DNM2: variants seen among roughly 807,000 people sequenced by gnomAD.
DNM2 encodes the protein dynamin-2.
A neutral mutation model predicts 99.0 loss-of-function variants in DNM2; 15 were observed. The ratio of observed to expected loss-of-function variants is 0.15; its 90% CI spans 0.10 to 0.23. DNM2 has a LOEUF of 0.23. Among genes scored for constraint, DNM2 ranks in the 10% least tolerant of loss-of-function variants. DNM2 has a pLI of 1.00. For missense variants in DNM2, 742 were observed against 1,189.4 expected (o/e 0.62, Z 5.53); for synonymous variants, 525 against 481.2 (o/e 1.09, Z -1.19).
At position 10,817,602 on chromosome 19, in the gene DNM2, C is replaced by T. The variant is rs887993178; in HGVS notation, c.1672-2378C>T. 5.9e-6 allele frequency: 2 copies of T among 338,672 alleles called. No homozygotes were observed. The highest frequency in any genetic ancestry group is 1.2e-5 in the Non-Finnish European group (2 of 166,988). The allele number at this position is 338,672 out of a possible 1,614,324, so 21.0% of individuals were successfully genotyped here. ...CAGCCAAGGAAACCACCACTCTTCC[C>T]GAGACGATCCGCTCTGTCCCTTCTG... On this transcript the variant is annotated intron_variant, in intron 15 of 20. Transcript: ENST00000389253. This position sits in a 1 kb window ranked among gnomAD's most constrained non-coding sequence, Gnocchi z 4.6.
In DNM2 at chr19:10,795,545, G is replaced by A; in HGVS notation, c.1196+106G>A. 1 of 1,328,998 alleles carries A rather than the reference G, an allele frequency of 7.5e-7. No individual in the cohort carries two copies. The highest frequency in any genetic ancestry group is 1.1e-6 in the Non-Finnish European group (1 of 929,976). 82.3% of individuals were successfully genotyped at this position (1,328,998 alleles called of 1,614,324 possible). A position where few individuals can be genotyped will look rare whatever the true frequency, so the allele number is the denominator to read the frequency against. The stretch of plus-strand genomic sequence containing the variant: ...TGAGTCCCTAATCGTTAGGCCTTAA[G>A]AGGGCTCTTGGATGGTTTTCTGTAG... On this transcript the variant is annotated intron_variant, in intron 9 of 20. Coordinates refer to ENST00000389253, the MANE Select transcript of DNM2 (RefSeq NM_001005361.3). This position sits in a 1 kb window ranked among gnomAD's most constrained non-coding sequence, Gnocchi z 4.2.
intron 6 of DNM2, among the ~76,000 whole-genome samples, chr19:10,784,819 A>ATTTTTTTTTTTTTTTTTTTTT (rs35575438): frequency 5.0e-5 from 5 of 99,464 alleles, no homozygotes; most frequent in East Asian, 2.9e-4. Context: ...TTTTTTGATG[A>ATTTTTTTTTTTTTTTTTTTTT]TTTTTTTTTT....
At chr19:10,802,446 G>A (rs2072187143) in intron 12 of DNM2, 88 bp downstream of exon 12, 1 of 1,448,186 alleles carries the variant, frequency 6.9e-7, no homozygotes, top group Non-Finnish European at 9.7e-7. Flanking sequence ...TTCTCTGAGA[G>A]GGCAGGTGTC....
chr19:10,750,479 T>TA lies in DNM2; in HGVS notation c.162-9247dup, dbSNP rs576439938. On this transcript the variant is annotated intron_variant, in intron 1 of 20. Transcript: ENST00000389253. Reference sequence around the variant, plus strand: ...GGGCAATATAGGAAGATGCCATCTCTAAAAAAAAAAAATTAGCCAAGCATG... The same window carrying TA: ...GGGCAATATAGGAAGATGCCATCTCTAAAAAAAAAAAAATTAGCCAAGCATG... Among the ~76,000 whole-genome samples, 1,018 of 143,266 alleles carry TA rather than the reference T, an allele frequency of 7.1e-3. 9 individuals are homozygous for TA. The highest frequency in any genetic ancestry group is 0.024 in the African/African-American group (931 of 39,204). 94.0% of individuals were successfully genotyped at this position (143,266 alleles called of 152,430 possible).
At chr19:10,826,301 A>G (rs928678323) in intron 18 of DNM2, among the ~76,000 whole-genome samples, 1 of 152,130 alleles carries the variant, frequency 6.6e-6, no homozygotes, top group African/African-American at 2.4e-5. Flanking sequence ...AACCTGCCCC[A>G]AGTTCCTTAG....
At position 10,816,054 on chromosome 19, in the gene DNM2, G is replaced by T. The variant is rs2072728171; in HGVS notation, c.1671+3677G>T. Reference sequence around the variant, plus strand: ...AAACCCTCACGCTTGCTATTCGGGTGGCTCTGTGGTCACCCCCATCTAAGG... The same window carrying T: ...AAACCCTCACGCTTGCTATTCGGGTTGCTCTGTGGTCACCCCCATCTAAGG... On this transcript the variant is annotated intron_variant, in intron 15 of 20. Coordinates refer to ENST00000389253, the MANE Select transcript of DNM2 (RefSeq NM_001005361.3). This position sits in a 1 kb window ranked among gnomAD's most constrained non-coding sequence, Gnocchi z 4.6. 6.6e-6 allele frequency among the ~76,000 whole-genome samples: 1 copy of T among 152,110 alleles called. No homozygotes were observed. Among genetic ancestry groups the T allele is most frequent in the Admixed American group, 6.5e-5 (1 of 15,284 alleles).
At chr19:10,802,266 A>G (rs761324931) in intron 11 of DNM2, 22 bp from the exon 12 acceptor site, 1 of 1,613,968 alleles carries the variant, frequency 6.2e-7, no homozygotes, top group Non-Finnish European at 8.5e-7. Flanking sequence ...TTGTACTCAC[A>G]GTGACCCCCG....
intron 1 of DNM2, among the ~76,000 whole-genome samples, chr19:10,748,079 C>T (rs1328306551): frequency 6.6e-6 from 1 of 152,098 alleles, no homozygotes; most frequent in Non-Finnish European, 1.5e-5. Context: ...GGTGACAGGA[C>T]AGGTCGTGCA....
chr19:10,802,481 G>A, intron 12 of DNM2, 123 bp downstream of exon 12: 1 of 1,141,644 alleles, frequency 8.8e-7, no homozygotes, highest in Non-Finnish European at 1.3e-6. Context: ...GGGGGTCCTG[G>A]GGTGAAGGCA....
chr19:10,780,981 G>A (rs2071348899), intron 5 of DNM2, among the ~76,000 whole-genome samples: 1 of 140,118 alleles, frequency 7.1e-6, no homozygotes, highest in Non-Finnish European at 1.5e-5. Flanking sequence ...TTGCACCACT[G>A]TACTCCAGCC....
chr19:10,772,385 A>G lies in DNM2; in HGVS notation c.236-94A>G. 1.9e-6 allele frequency: 3 copies of G among 1,556,322 alleles called. No individual in the cohort carries two copies. Among genetic ancestry groups the G allele is most frequent in the Non-Finnish European group, 2.6e-6 (3 of 1,140,130 alleles). ...TGAGCTACTGTGCCCAGCCTGGGTC[A>G]TTACTTTCATTCAACAAAGCATTTC... On this transcript the variant is annotated intron_variant, in intron 2 of 20. Transcript: ENST00000389253. The surrounding 1 kb of genome is among the most constrained non-coding windows in gnomAD (Gnocchi z 4.9).
Position 10,812,266 on chromosome 19 carries a change from G to T in DNM2, c.1560G>T (p.Val520=). 1 of 1,596,928 alleles carries T rather than the reference G, an allele frequency of 6.3e-7. No individual in the cohort carries two copies. The highest frequency in any genetic ancestry group is 1.1e-5 in the South Asian group (1 of 89,262). The change falls in exon 15 of 21, where the codon GTG becomes GTT. Residue 520 remains valine, a splice_region_variant and synonymous_variant. Coordinates refer to ENST00000389253, the MANE Select transcript of DNM2 (RefSeq NM_001005361.3). This position sits in a 1 kb window ranked among gnomAD's most constrained non-coding sequence, Gnocchi z 4.0. ...CTAAGCTGCGCGCTTTCCCCCAGGT[G>T]ATCCGCAGGGGCTGGCTGACCATCA... ...RAIPNQGEIL[V]IRRGWLTINN...
intron 1 of DNM2, among the ~76,000 whole-genome samples, chr19:10,748,057 T>G (rs1599469693): frequency 6.7e-6 from 1 of 150,112 alleles, no homozygotes; most frequent in African/African-American, 2.5e-5. Flanking sequence ...TAGGGGGAGG[T>G]GAGGACAGGA....
Position 10,747,964 on chromosome 19 carries a change from C to T in DNM2, c.162-11774C>T, listed in dbSNP as rs73007539. On this transcript the variant is annotated intron_variant, in intron 1 of 20. Coordinates refer to ENST00000389253, the MANE Select transcript of DNM2 (RefSeq NM_001005361.3). Reference sequence around the variant, plus strand: ...GCTGAGGGAACAGCCTGGGCAAAGGCCCTGGGGCAGGACAGTGTCTGGTGT... The same window carrying T: ...GCTGAGGGAACAGCCTGGGCAAAGGTCCTGGGGCAGGACAGTGTCTGGTGT... 3.3e-3 allele frequency among the ~76,000 whole-genome samples: 498 copies of T among 152,252 alleles called. 1 individual carries two copies. The highest frequency in any genetic ancestry group is 4.6e-3 in the Non-Finnish European group (310 of 68,014).
chr19:10,756,629 C>A (rs2070395036), intron 1 of DNM2, among the ~76,000 whole-genome samples: 1 of 152,124 alleles, frequency 6.6e-6, no homozygotes, highest in African/African-American at 2.4e-5. Flanking sequence ...AGGTAGCATC[C>A]CAGGCCTGGA....
intron 14 of DNM2, chr19:10,809,448 G>A (rs1356572575): frequency 4.6e-5 from 7 of 152,314 alleles, no homozygotes; most frequent in Admixed American, 6.5e-5. Flanking sequence ...CATGGCTCCC[G>A]AGATGAATCA....
Position 10,811,912 on chromosome 19 carries a change from G to A in DNM2, c.1558-352G>A, listed in dbSNP as rs776571011. On this transcript the variant is annotated intron_variant, in intron 14 of 20. Transcript: ENST00000389253. This position sits in a 1 kb window ranked among gnomAD's most constrained non-coding sequence, Gnocchi z 5.4. Reference sequence around the variant, plus strand: ...TGCTACCCTTGGAACCTTATCTCACGCAAACAAGTGCAGTTCCTCAGATGT... The same window carrying A: ...TGCTACCCTTGGAACCTTATCTCACACAAACAAGTGCAGTTCCTCAGATGT... The A allele has an allele frequency of 4.4e-6, 2 of 456,364 alleles. No individual in the cohort carries two copies. Among genetic ancestry groups the A allele is most frequent in the Admixed American group, 2.4e-5 (1 of 42,360 alleles). The allele number at this position is 456,364 out of a possible 1,614,324, so 28.3% of individuals were successfully genotyped here. A position where few individuals can be genotyped will look rare whatever the true frequency, so the allele number is the denominator to read the frequency against.
At chr19:10,801,362 G>C (rs923021783) in intron 11 of DNM2, among the ~76,000 whole-genome samples, 2 of 152,030 alleles carry the variant, frequency 1.3e-5, no homozygotes, top group African/African-American at 4.8e-5. Context: ...GTTCACACCT[G>C]TAATCCCAGC....
At chr19:10,737,888 A>G (rs1388156014) in intron 1 of DNM2, among the ~76,000 whole-genome samples, 1 of 152,208 alleles carries the variant, frequency 6.6e-6, no homozygotes, top group Non-Finnish European at 1.5e-5. Context: ...GGTGCCTGGC[A>G]TGCGATAGGT....
Sources: allele counts gnomAD v4.1 joint callset (sites outside exome capture counted in the v4.1 genomes callset), GRCh38; gene constraint gnomAD v4.1.1; non-coding constraint Gnocchi (gnomAD v3.1); transcripts MANE v1.5; gene names NCBI Gene and HGNC (gene_info 2026-07-23, HGNC 2026-07-21).